ROBO2: variants seen among roughly 807,000 people sequenced by gnomAD.
ROBO2 encodes roundabout homolog 2.
In ROBO2, 53 loss-of-function variants were observed where a neutral mutation model predicts 160.8. The ratio of observed to expected loss-of-function variants is 0.33; its 90% CI spans 0.26 to 0.41. ROBO2 has a LOEUF of 0.41. Ranked by LOEUF, ROBO2 falls within the 10% of genes least tolerant of loss-of-function variation. The pLI is 1.00. For missense variants in ROBO2, 1,577 were observed against 1,722.4 expected, an observed-to-expected ratio of 0.92 and a Z score of 1.49; for synonymous variants, 664 against 611.7, an observed-to-expected ratio of 1.09 and a Z score of -1.26.
At chr3:76,076,255 GT>G (rs994105547) in intron 2 of ROBO2, among the ~76,000 whole-genome samples, 23 of 152,108 alleles carry the variant, frequency 1.5e-4, no homozygotes, top group Non-Finnish European at 2.6e-4. Flanking sequence ...ATGTATCAGA[GT>G]TTTTTTGGTC....
chr3:76,242,881 C>T (rs35770225), intron 2 of ROBO2, among the ~76,000 whole-genome samples: 44,550 of 151,994 alleles, frequency 0.29, 8,446 homozygotes, highest in Non-Finnish European at 0.41. Context: ...ACAGGGAGAT[C>T]CTGTCATGTC....
At chr3:77,328,086 GA>G (rs992264956) in intron 2 of ROBO2, among the ~76,000 whole-genome samples, 6 of 138,408 alleles carry the variant, frequency 4.3e-5, no homozygotes, top group Admixed American at 7.3e-5. Flanking sequence ...AAAAAGAAAA[GA>G]AAAAAAAAGG....
At chr3:77,358,038 T>C (rs2069384461) in intron 2 of ROBO2, among the ~76,000 whole-genome samples, 1 of 152,150 alleles carries the variant, frequency 6.6e-6, no homozygotes, top group African/African-American at 2.4e-5. Flanking sequence ...TGCTAAAGGG[T>C]ACACAGGTTT....
At chr3:76,029,676 T>A (rs1396019724) in intron 2 of ROBO2, among the ~76,000 whole-genome samples, 7 of 152,262 alleles carry the variant, frequency 4.6e-5, no homozygotes, top group Non-Finnish European at 8.8e-5. Flanking sequence ...TTCATCCATG[T>A]CCCTACAAAG....
chr3:76,548,355 C>T (rs2108318750), intron 2 of ROBO2, among the ~76,000 whole-genome samples: 1 of 152,046 alleles, frequency 6.6e-6, no homozygotes, highest in East Asian at 1.9e-4. Context: ...CACATAGATT[C>T]CAGCCCTGGA....
intron 2 of ROBO2, among the ~76,000 whole-genome samples, chr3:76,157,314 G>T (rs533529608): frequency 6.6e-6 from 1 of 151,758 alleles, no homozygotes; most frequent in South Asian, 2.1e-4. Flanking sequence ...TTTTTTTTGG[G>T]GTGGGGGCAC....
chr3:76,448,044 A>G (rs2077287451), intron 2 of ROBO2, among the ~76,000 whole-genome samples: 1 of 151,806 alleles, frequency 6.6e-6, no homozygotes, highest in Non-Finnish European at 1.5e-5. Context: ...AAGTATATAT[A>G]TAAAAAAAGA....
intron 2 of ROBO2, among the ~76,000 whole-genome samples, chr3:77,021,053 TA>T (rs1318941946): frequency 3.3e-5 from 5 of 151,848 alleles, no homozygotes; most frequent in Admixed American, 6.6e-5. Context: ...AAATATTTTT[TA>T]AAAAAATTAT....
chr3:77,314,128 A>C (rs2153424791), intron 2 of ROBO2, among the ~76,000 whole-genome samples: 1 of 152,306 alleles, frequency 6.6e-6, no homozygotes, highest in East Asian at 1.9e-4. Flanking sequence ...ATATTCTGTT[A>C]CAACTCATAG....
At chr3:76,689,216 A>AT (rs573580715) in intron 2 of ROBO2, among the ~76,000 whole-genome samples, 1 of 151,986 alleles carries the variant, frequency 6.6e-6, no homozygotes, top group Non-Finnish European at 1.5e-5. Flanking sequence ...TTATTCATGC[A>AT]TTTTTTATAT....
chr3:76,265,199 C>T (rs1241637979), intron 2 of ROBO2, among the ~76,000 whole-genome samples: 1 of 152,088 alleles, frequency 6.6e-6, no homozygotes, highest in Non-Finnish European at 1.5e-5. Flanking sequence ...CCATGTCCCT[C>T]AGTCAGTCCT....
chr3:76,445,350 A>G (rs2077125172), intron 2 of ROBO2, among the ~76,000 whole-genome samples: 1 of 152,192 alleles, frequency 6.6e-6, no homozygotes. Context: ...GGGAAAGTAA[A>G]CACAGAAATG....
At chr3:76,881,736 T>C (rs2073352928) in intron 2 of ROBO2, among the ~76,000 whole-genome samples, 1 of 152,240 alleles carries the variant, frequency 6.6e-6, no homozygotes, top group Non-Finnish European at 1.5e-5. Context: ...TATTTAGATC[T>C]CTGAATATGT....
intron 2 of ROBO2, among the ~76,000 whole-genome samples, chr3:76,272,238 A>T (rs1707478064): frequency 6.6e-6 from 1 of 152,188 alleles, no homozygotes; most frequent in Admixed American, 6.5e-5. Flanking sequence ...TAAATCCTTT[A>T]TAATTTTATG....
rs201457462 is a variant in ROBO2 at position 75,942,558 on chromosome 3, T to C, written c.109+4956T>C. Among the ~76,000 whole-genome samples, 3 of 152,166 alleles carry C rather than the reference T, an allele frequency of 2.0e-5. No homozygotes were observed. The South Asian group carries it at 6.2e-4, about 31-fold the overall frequency. ...ATGTTACCTAGGTCATTTTAGTTTT[T>C]GATTTAAGCGTCTTAAAATTATAAA... On this transcript the variant is annotated intron_variant, in intron 2 of 26. Transcript: ENST00000487694.
chr3:76,750,076 G>A (rs1402967131), intron 2 of ROBO2, among the ~76,000 whole-genome samples: 1 of 152,102 alleles, frequency 6.6e-6, no homozygotes, highest in Non-Finnish European at 1.5e-5. Context: ...GTATCCAGCA[G>A]CATGTCATAA....
chr3:77,027,605 C>A (rs1202070264), intron 2 of ROBO2, among the ~76,000 whole-genome samples: 2 of 152,174 alleles, frequency 1.3e-5, no homozygotes, highest in African/African-American at 4.8e-5. Flanking sequence ...TAAACAAAAT[C>A]TTTGCCACAT....
intron 1 of ROBO2, among the ~76,000 whole-genome samples, chr3:75,932,377 A>T (rs1947582859): frequency 6.6e-6 from 1 of 152,164 alleles, no homozygotes; most frequent in African/African-American, 2.4e-5. Context: ...GATCAGAAAA[A>T]CTGGGTTACT....
chr3:77,119,252 G>A (rs2074506313), intron 2 of ROBO2, among the ~76,000 whole-genome samples: 2 of 152,112 alleles, frequency 1.3e-5, no homozygotes, highest in South Asian at 4.1e-4. Context: ...CCAGTCTCAG[G>A]TAGTTCTTTA....
Sources: allele counts gnomAD v4.1 joint callset (sites outside exome capture counted in the v4.1 genomes callset), GRCh38; gene constraint gnomAD v4.1.1; transcripts MANE v1.5; gene names NCBI Gene and HGNC (gene_info 2026-07-23, HGNC 2026-07-21).